Variants in ZNF778 observed in about 807,000 individuals in gnomAD.
The protein encoded by ZNF778 is zinc finger protein 778.
ZNF778 carries 37 observed loss-of-function variants against 23.9 expected under a neutral mutation model. The ratio of observed to expected loss-of-function variants is 1.54; its 90% CI spans 1.19 to 2.03. The LOEUF is 2.03. Among genes scored for constraint, ZNF778 ranks in the 30% most tolerant of loss-of-function variants. ZNF778 has a pLI of 0.00. For synonymous variants in ZNF778, 483 were observed against 343.9 expected (o/e 1.40, Z -4.48); for missense variants, 1,297 against 934.4 (o/e 1.39, Z -5.06).
Position 89,230,051 on chromosome 16 carries a change from G to A in ZNF778, c.*1489G>A. 1 of 975,744 alleles carries A rather than the reference G, an allele frequency of 1.0e-6. No individual in the cohort carries two copies. Among genetic ancestry groups the A allele is most frequent in the Non-Finnish European group, 1.2e-6 (1 of 821,226 alleles). The allele number at this position is 975,744 out of a possible 1,614,324, so 60.4% of individuals were successfully genotyped here. A position where few individuals can be genotyped will look rare whatever the true frequency, so the allele number is the denominator to read the frequency against. The stretch of plus-strand genomic sequence containing the variant: ...TAAGTATCCAGATGGGATCCTGTAT[G>A]AGCAGCGTAGGCTCTGGTTGGTTAG... On this transcript the variant is annotated 3_prime_UTR_variant, in exon 7 of 7. Coordinates refer to ENST00000433976, the MANE Select transcript of ZNF778 (RefSeq NM_001201407.2).
chr16:89,233,666 C>T lies in ZNF778; in HGVS notation c.*5104C>T, dbSNP rs748927995. ...CTCGCTCTGCATATGCAATTCAACT[C>T]GCACTGCGTATGCAAATCAACTTAC... On this transcript the variant is annotated 3_prime_UTR_variant, in exon 7 of 7. Transcript: ENST00000433976. 47 of 1,286,842 alleles carry T rather than the reference C, an allele frequency of 3.7e-5. No homozygotes were observed. Among genetic ancestry groups the T allele is most frequent in the Middle Eastern group, 2.1e-4 (1 of 4,708 alleles). The allele number at this position is 1,286,842 out of a possible 1,614,324, so 79.7% of individuals were successfully genotyped here.
intron 4 of ZNF778, among the ~76,000 whole-genome samples, chr16:89,223,728 A>G (rs758492796): frequency 2.2e-4 from 34 of 152,218 alleles, no homozygotes; most frequent in Non-Finnish European, 4.1e-4. Context: ...TTCAGGAATC[A>G]GAGATAACCA....
chr16:89,233,702 A>G lies in ZNF778; in HGVS notation c.*5140A>G, dbSNP rs574042309. 5.4e-5 allele frequency: 67 copies of G among 1,241,190 alleles called. No homozygotes were observed. The Admixed American group carries it at 5.4e-4, about 10-fold the overall frequency. 76.9% of individuals were successfully genotyped at this position (1,241,190 alleles called of 1,614,324 possible). Reference sequence around the variant, plus strand: ...TGCAAATCAACTTACTGCATATGCAACTCAACTCACTGCGTATGCAACTCA... The same window carrying G: ...TGCAAATCAACTTACTGCATATGCAGCTCAACTCACTGCGTATGCAACTCA... On this transcript the variant is annotated 3_prime_UTR_variant, in exon 7 of 7. Coordinates refer to ENST00000433976, the MANE Select transcript of ZNF778 (RefSeq NM_001201407.2).
In ZNF778 at chr16:89,228,747, C is replaced by G; in HGVS notation, c.*185C>G. 15 of 1,402,458 alleles carry G rather than the reference C, an allele frequency of 1.1e-5. No individual in the cohort carries two copies. Among genetic ancestry groups the G allele is most frequent in the Non-Finnish European group, 1.4e-5 (15 of 1,083,376 alleles). 86.9% of individuals were successfully genotyped at this position (1,402,458 alleles called of 1,614,324 possible). On this transcript the variant is annotated 3_prime_UTR_variant, in exon 7 of 7. Transcript: ENST00000433976. ...AGACACAGAGAAAGCCCTCAGTGTT[C>G]TCTAAGGTCTTGCTGAATATGGATG...
Position 89,235,117 on chromosome 16 carries a change from A to G in ZNF778, c.*6555A>G, listed in dbSNP as rs1396459230. The G allele has an allele frequency of 6.6e-6, 1 of 150,896 alleles. No homozygotes were observed. Among genetic ancestry groups the G allele is most frequent in the Non-Finnish European group, 1.5e-5 (1 of 67,780 alleles). 9.3% of individuals were successfully genotyped at this position (150,896 alleles called of 1,614,324 possible). A position where few individuals can be genotyped will look rare whatever the true frequency, so the allele number is the denominator to read the frequency against. On this transcript the variant is annotated 3_prime_UTR_variant, in exon 7 of 7. Transcript: ENST00000433976. The stretch of plus-strand genomic sequence containing the variant: ...GACCGTATCTGTAGAGTGTAATGTC[A>G]TTTTTCCCACTATGGACATAAAAAT...
chr16:89,221,963 G>A (rs1003574043), intron 2 of ZNF778, 129 bp from the exon 3 acceptor site: 1 of 584,414 alleles, frequency 1.7e-6, no homozygotes, highest in Non-Finnish European at 3.0e-6. Context: ...ATCTGTGTGT[G>A]TGCGTTTTCC....
At chr16:89,222,057 G>T in intron 2 of ZNF778, 35 bp from the exon 3 acceptor site, 1 of 1,507,932 alleles carries the variant, frequency 6.6e-7, no homozygotes. Context: ...GTCAGCTCTG[G>T]GTTCTCATGC....
intron 6 of ZNF778, 132 bp from the exon 7 acceptor site, chr16:89,226,562 G>T: frequency 1.4e-6 from 1 of 731,366 alleles, no homozygotes; most frequent in South Asian, 1.9e-5. Context: ...ACATCTACAG[G>T]GCAGGAGCTG....
chr16:89,221,103 C>A lies in ZNF778; in HGVS notation c.-25C>A. On this transcript the variant is annotated 5_prime_UTR_variant, in exon 2 of 7. Coordinates refer to ENST00000433976, the MANE Select transcript of ZNF778 (RefSeq NM_001201407.2). ...GCCTTGGCTTCAGGAAAGGAGCATT[C>A]AGACGCTTCCGTCAGCCTCCCAGGA... 6.4e-7 allele frequency: 1 copy of A among 1,564,300 alleles called. No homozygotes were observed. The highest frequency in any genetic ancestry group is 1.9e-5 in the Admixed American group (1 of 52,780).
chr16:89,224,628 T>TA (rs1010373980), intron 4 of ZNF778, 91 bp from the exon 5 acceptor site: 74 of 958,420 alleles, frequency 7.7e-5, no homozygotes, highest in Middle Eastern at 2.1e-4. Flanking sequence ...CAAAAAATAA[T>TA]AAAAAAAAGG....
At position 89,227,404 on chromosome 16, in the gene ZNF778, A is replaced by G; in HGVS notation, c.1116A>G (p.Lys372=). 1 of 1,614,030 alleles carries G rather than the reference A, an allele frequency of 6.2e-7. No homozygotes were observed. Among genetic ancestry groups the G allele is most frequent in the East Asian group, 2.2e-5 (1 of 44,884 alleles). ...CCTATGAATGTAAGGACTGTGGGAAAGCCTGCGGTGGGTTTTATCTACTGA... is the reference window on the plus strand; with the variant it reads ...CCTATGAATGTAAGGACTGTGGGAAGGCCTGCGGTGGGTTTTATCTACTGA... The part of the protein sequence containing the change: ...QKPYECKDCG[K]ACGGFYLLNE... The change falls in exon 7 of 7, where the codon AAA becomes AAG. Residue 372 remains lysine, a synonymous_variant. Coordinates refer to ENST00000433976, the MANE Select transcript of ZNF778 (RefSeq NM_001201407.2).
intron 3 of ZNF778, among the ~76,000 whole-genome samples, chr16:89,222,663 CACA>C (rs1230046709): frequency 3.3e-5 from 5 of 152,358 alleles, no homozygotes; most frequent in South Asian, 2.1e-4. Context: ...TGCGCCCAGC[CACA>C]ACATTACTCA....
rs769299792 is a variant in ZNF778 at position 89,223,112 on chromosome 16, G to C, written c.118-45G>C. ...GCCTCCTCATTCTTCAGTGAATACC[G>C]ATGGACACGTTGGAAGGCTCCAACC... On this transcript the variant is annotated intron_variant, in intron 3 of 6. Transcript: ENST00000433976. 4.4e-6 allele frequency: 7 copies of C among 1,596,652 alleles called. No individual in the cohort carries two copies. The African/African-American group carries it at 9.5e-5, about 22-fold the overall frequency.
rs746977574 is a variant in ZNF778, at chr16:89,228,302, C to A, written c.2014C>A (p.Pro672Thr). 4 of 1,605,996 alleles carry A rather than the reference C, an allele frequency of 2.5e-6. No homozygotes were observed. The highest frequency in any genetic ancestry group is 3.4e-6 in the Non-Finnish European group (4 of 1,173,582). ...CAGAAGGACTCACACAGGAGAGAAA[C>A]CTTACATATGTAACGAGTGTGGGAA... ...EHRRTHTGEK[P>T]YICNECGKAF... The change falls in exon 7 of 7, where the codon CCT (proline) becomes ACT (threonine). Residue 672 changes from proline (P) to threonine (T), a missense_variant. Coordinates refer to ENST00000433976, the MANE Select transcript of ZNF778 (RefSeq NM_001201407.2).
In ZNF778 at chr16:89,229,446, G is replaced by A. The variant is rs561770559; in HGVS notation, c.*884G>A. 3.1e-6 allele frequency: 3 copies of A among 976,268 alleles called. No individual in the cohort carries two copies. In the East Asian group the frequency reaches 3.5e-4, roughly 115 times the overall value. 60.5% of individuals were successfully genotyped at this position (976,268 alleles called of 1,614,324 possible). On this transcript the variant is annotated 3_prime_UTR_variant, in exon 7 of 7. Coordinates refer to ENST00000433976, the MANE Select transcript of ZNF778 (RefSeq NM_001201407.2). ...TAGGCTCTGGTTGGTTAGTCTTGAG[G>A]ATGCAGATGTGATTCTGTGTGAGCA...
Position 89,234,334 on chromosome 16 carries a change from G to A in ZNF778, c.*5772G>A, listed in dbSNP as rs1036979900. Reference sequence around the variant, plus strand: ...GCAGTTTTATTCTTTCTCTCTACTCGTTCAACCTTCTTAGGGAGTGACGTT... The same window carrying A: ...GCAGTTTTATTCTTTCTCTCTACTCATTCAACCTTCTTAGGGAGTGACGTT... On this transcript the variant is annotated 3_prime_UTR_variant, in exon 7 of 7. Coordinates refer to ENST00000433976, the MANE Select transcript of ZNF778 (RefSeq NM_001201407.2). 5.6e-5 allele frequency: 18 copies of A among 323,104 alleles called. No individual in the cohort carries two copies. The highest frequency in any genetic ancestry group is 3.6e-4 in the Admixed American group (8 of 22,062). 20.0% of individuals were successfully genotyped at this position (323,104 alleles called of 1,614,324 possible). A position where few individuals can be genotyped will look rare whatever the true frequency, so the allele number is the denominator to read the frequency against.
Position 89,232,754 on chromosome 16 carries a change from C to G in ZNF778, c.*4192C>G, listed in dbSNP as rs1656658326. On this transcript the variant is annotated 3_prime_UTR_variant, in exon 7 of 7. Coordinates refer to ENST00000433976, the MANE Select transcript of ZNF778 (RefSeq NM_001201407.2). ...AAGATGGTAAACAACTTGCTGGAAA[C>G]ATGCACTGCATATACAAATCAACTC... The G allele has an allele frequency of 7.8e-7, 1 of 1,286,028 alleles. No homozygotes were observed. Among genetic ancestry groups the G allele is most frequent in the East Asian group, 5.6e-5 (1 of 17,986 alleles). The allele number at this position is 1,286,028 out of a possible 1,614,324, so 79.7% of individuals were successfully genotyped here.
chr16:89,226,949 C>T lies in ZNF778; in HGVS notation c.661C>T (p.Arg221Trp), dbSNP rs776469658. ...PNVVSQQACT[R>W]DRSLDYSSCG... ...TGTTGTTTCCCAGCAAGCATGCACTCGGGACAGATCTCTTGACTACAGCAG... is the reference window on the plus strand; with the variant it reads ...TGTTGTTTCCCAGCAAGCATGCACTTGGGACAGATCTCTTGACTACAGCAG... The change falls in exon 7 of 7, where the codon CGG becomes TGG. Residue 221 changes from arginine (R) to tryptophan (W), a missense_variant. By Grantham distance (101) the Arg-to-Trp change is moderately radical (BLOSUM62 -3). Transcript: ENST00000433976. The T allele has an allele frequency of 1.7e-5, 27 of 1,613,904 alleles. No individual in the cohort carries two copies. Among genetic ancestry groups the T allele is most frequent in the Admixed American group, 3.3e-5 (2 of 60,010 alleles).
rs1439367055 is a variant in ZNF778 at position 89,233,585 on chromosome 16, A to C, written c.*5023A>C. 3.6e-6 allele frequency: 4 copies of C among 1,125,798 alleles called. No individual in the cohort carries two copies. In the East Asian group the frequency reaches 1.9e-4, roughly 53 times the overall value. 69.7% of individuals were successfully genotyped at this position (1,125,798 alleles called of 1,614,324 possible). On this transcript the variant is annotated 3_prime_UTR_variant, in exon 7 of 7. Coordinates refer to ENST00000433976, the MANE Select transcript of ZNF778 (RefSeq NM_001201407.2). ...GCAACTCAGCTCGCACTGCATATGC[A>C]ACGCAACTCAACTCATACTGCATAT... is the stretch of plus-strand genomic sequence containing the variant.
Sources: allele counts gnomAD v4.1 joint callset (sites outside exome capture counted in the v4.1 genomes callset), GRCh38; gene constraint gnomAD v4.1.1; transcripts MANE v1.5; gene names NCBI Gene and HGNC (gene_info 2026-07-23, HGNC 2026-07-21).